SPTA1: variants seen among roughly 807,000 people sequenced by gnomAD.
SPTA1 encodes the protein spectrin alpha chain, erythrocytic 1.
A neutral mutation model predicts 324.7 loss-of-function variants in SPTA1; 177 were observed. The observed-to-expected ratio is 0.55, with a 90% CI of 0.48 to 0.62. The LOEUF (loss-of-function observed/expected upper bound fraction) is 0.62. SPTA1 is among the 20% of genes least tolerant of loss of function. The probability of loss-of-function intolerance (pLI) is 0.00; values close to 1 mark genes in which losing one functional copy is unlikely to be tolerated. For missense variants in SPTA1, 3,162 were observed against 2,883.6 expected (o/e 1.10, Z -2.21); for synonymous variants, 1,195 against 1,041.3 (o/e 1.15, Z -2.84).
chr1:158,657,637 T>A lies in SPTA1; in HGVS notation c.2645A>T (p.Glu882Val). 6.2e-7 allele frequency: 1 copy of A among 1,614,112 alleles called. No individual in the cohort carries two copies. Among genetic ancestry groups the A allele is most frequent in the Non-Finnish European group, 8.5e-7 (1 of 1,180,012 alleles). Residue 882 changes from glutamate to valine, a missense_variant, in exon 19 of 52, where the codon GAG (glutamate) becomes GTG (valine). By Grantham distance (121) the Glu-to-Val change is moderately radical (BLOSUM62 -2). Transcript: ENST00000643759. Reference protein sequence around the residue: ...SRVKSLNQNMESLRARAARRQ... With the variant: ...SRVKSLNQNMVSLRARAARRQ... ...CCTAGCAGCTCGAGCACGGAGAGAC[T>A]CCATATTCTGGTTCAAACTCTTGAC...
intron 7 of SPTA1, among the ~76,000 whole-genome samples, chr1:158,676,674 C>T (rs1371595075): frequency 1.3e-5 from 2 of 152,096 alleles, no homozygotes; most frequent in African/African-American, 4.8e-5. Context: ...TTCCCCACCC[C>T]TCTATAACAT....
chr1:158,650,884 T>C lies in SPTA1; in HGVS notation c.3477+483A>G, dbSNP rs987114503. Among the ~76,000 whole-genome samples the C allele has an allele frequency of 1.2e-4, 19 of 152,238 alleles. No homozygotes were observed. In the East Asian group the frequency reaches 3.5e-3, roughly 28 times the overall value. On this transcript the variant is annotated intron_variant, in intron 24 of 51. Transcript: ENST00000643759. ...GGAGGTTTGGATATTGTAATTTGGA[T>C]ATTGTGCTATCCAATATTTGCTTTC...
intron 51 of SPTA1, chr1:158,611,982 G>C (rs1044017405): frequency 6.4e-6 from 1 of 156,094 alleles, no homozygotes. Flanking sequence ...CAGCTTTGTC[G>C]AGGTATGATT....
At chr1:158,619,569 G>A (rs1036304598) in intron 44 of SPTA1, among the ~76,000 whole-genome samples, 8 of 152,024 alleles carry the variant, frequency 5.3e-5, no homozygotes, top group Non-Finnish European at 7.4e-5. Flanking sequence ...ACCAAGTCCC[G>A]TAACAAGTAA....
intron 44 of SPTA1, 33 bp from the exon 45 acceptor site, chr1:158,619,367 C>T (rs1381329912): frequency 6.2e-7 from 1 of 1,601,558 alleles, no homozygotes; most frequent in South Asian, 1.1e-5. Context: ...ACGTGACTGA[C>T]ATCGAAGGCC....
intron 1 of SPTA1, among the ~76,000 whole-genome samples, chr1:158,686,212 A>G (rs1191397400): frequency 2.6e-5 from 4 of 152,306 alleles, no homozygotes; most frequent in South Asian, 2.1e-4. Context: ...ATAGAATTAG[A>G]TCATTACATG....
chr1:158,676,274 C>A lies in SPTA1; in HGVS notation c.979G>T (p.Ala327Ser). The change falls in exon 8 of 52, where the codon GCA (alanine) becomes TCA (serine). Residue 327 changes from alanine (A) to serine (S), a missense_variant. Transcript: ENST00000643759. ...GGATGGGAAAGTGTCAGCTTCTCTG[C>A]TTTAGCACATAACTCCTTCACCTTT... ...SDKVKELCAK[A>S]EKLTLSHPSD... 1.9e-6 allele frequency: 3 copies of A among 1,613,634 alleles called. No individual in the cohort carries two copies. The highest frequency in any genetic ancestry group is 1.3e-5 in the African/African-American group (1 of 74,998).
intron 1 of SPTA1, among the ~76,000 whole-genome samples, chr1:158,685,816 T>C (rs991905917): frequency 6.6e-6 from 1 of 152,312 alleles, no homozygotes; most frequent in African/African-American, 2.4e-5. Flanking sequence ...TTGAAAATTT[T>C]GTTTCCTTCA....
rs1649348456 is a variant in SPTA1, at chr1:158,612,911, T to G, written c.7040A>C (p.Glu2347Ala). 2 of 1,613,818 alleles carry G rather than the reference T, an allele frequency of 1.2e-6. No individual in the cohort carries two copies. The highest frequency in any genetic ancestry group is 3.3e-5 in the Admixed American group (2 of 59,956). The stretch of plus-strand genomic sequence containing the variant: ...ATCACTGGACTTGATGTTTTCTGAC[T>G]CCTTGTCAATCAGGAAAGCAGTATA... The part of the protein sequence containing the change: ...EDYTAFLIDK[E>A]SENIKSSDEI... The change falls in exon 51 of 52, where the codon GAG becomes GCG. Residue 2347 changes from glutamate (E) to alanine (A), a missense_variant. By Grantham distance (107) the Glu-to-Ala change is moderately radical (BLOSUM62 -1). Transcript: ENST00000643759.
intron 15 of SPTA1, 55 bp downstream of exon 15, chr1:158,667,803 G>T: frequency 1.9e-6 from 3 of 1,566,128 alleles, no homozygotes; most frequent in Non-Finnish European, 2.6e-6. Context: ...AAAGATAAAG[G>T]TAGTAGATTT....
chr1:158,656,837 T>A (rs1652862337), intron 19 of SPTA1, among the ~76,000 whole-genome samples, 181 bp from the exon 20 acceptor site: 1 of 152,266 alleles, frequency 6.6e-6, no homozygotes, highest in African/African-American at 2.4e-5. Context: ...TAATAAATTA[T>A]AATTTCAATA....
At position 158,647,438 on chromosome 1, in the gene SPTA1, G is replaced by C. The variant is rs931272043; in HGVS notation, c.3896+101C>G. ...TTGCAAGAGGTGAGACTTAAACGTAGTGATGCCCTCCAAAACCAGCAGTGA... is the reference window on the plus strand; with the variant it reads ...TTGCAAGAGGTGAGACTTAAACGTACTGATGCCCTCCAAAACCAGCAGTGA... On this transcript the variant is annotated intron_variant, in intron 27 of 51. Coordinates refer to ENST00000643759, the MANE Select transcript of SPTA1 (RefSeq NM_003126.4). The C allele has an allele frequency of 6.9e-6, 10 of 1,446,840 alleles. No homozygotes were observed. The African/African-American group carries it at 1.4e-4, about 20-fold the overall frequency. The allele number at this position is 1,446,840 out of a possible 1,614,324, so 89.6% of individuals were successfully genotyped here. A position where few individuals can be genotyped will look rare whatever the true frequency, so the allele number is the denominator to read the frequency against.
Position 158,645,328 on chromosome 1 carries a change from T to C in SPTA1, c.4054A>G (p.Ser1352Gly), listed in dbSNP as rs765133650. 2.5e-6 allele frequency: 4 copies of C among 1,614,070 alleles called. No homozygotes were observed. The highest frequency in any genetic ancestry group is 4.5e-5 in the East Asian group (2 of 44,884). ...TGCCCACTGTCGATAAGTTCTGCAC[T>C]GAAGTCCTCTAAGGCCTGGAAGGTG... ...APTFQALEDF[S>G]AELIDSGHHA... Residue 1352 changes from serine (S) to glycine (G), a missense_variant, in exon 29 of 52, where the codon AGT becomes GGT. Coordinates refer to ENST00000643759, the MANE Select transcript of SPTA1 (RefSeq NM_003126.4).
rs90078 is a variant in SPTA1 at position 158,676,510 on chromosome 1, C to T, written c.958-215G>A. Among the ~76,000 whole-genome samples, 142,182 of 152,256 alleles carry T rather than the reference C, an allele frequency of 0.93. 67,163 individuals are homozygous for T. Among genetic ancestry groups the T allele is most frequent in the East Asian group, 1 (5,188 of 5,188 alleles). ...CATTATGCTAAGTACTTTACATGAA[C>T]GTTCTCATTTTATATTATTCATTTA... On this transcript the variant is annotated intron_variant, in intron 7 of 51. Coordinates refer to ENST00000643759, the MANE Select transcript of SPTA1 (RefSeq NM_003126.4).
chr1:158,660,340 T>C (rs1182762910), intron 18 of SPTA1, among the ~76,000 whole-genome samples: 2 of 152,192 alleles, frequency 1.3e-5, no homozygotes, highest in African/African-American at 4.8e-5. Context: ...AAATATGCAC[T>C]ATGCAAAAAC....
chr1:158,648,690 A>C, intron 25 of SPTA1, 37 bp from the exon 26 acceptor site: 2 of 1,610,252 alleles, frequency 1.2e-6, no homozygotes, highest in Middle Eastern at 3.7e-4. Context: ...AAAAGTAAGG[A>C]TATGTACCAG....
intron 24 of SPTA1, among the ~76,000 whole-genome samples, chr1:158,650,896 C>A (rs901193848): frequency 6.6e-6 from 1 of 152,082 alleles, no homozygotes; most frequent in African/African-American, 2.4e-5. Context: ...TTGTGCTATC[C>A]AATATTTGCT....
Position 158,640,009 on chromosome 1 carries a change from T to A in SPTA1, c.4738-2A>T. 6.2e-7 allele frequency: 1 copy of A among 1,613,782 alleles called. No individual in the cohort carries two copies. Among genetic ancestry groups the A allele is most frequent in the Non-Finnish European group, 8.5e-7 (1 of 1,179,812 alleles). On this transcript the variant is annotated splice_acceptor_variant, in intron 33 of 51. Transcript: ENST00000643759. LOFTEE classifies it high-confidence loss of function. ...TTCCTTCAGCTGTTCCAGTTGCTCC[T>A]AACCCAAGGAGAGTGAGGAGTCATT...
chr1:158,626,007 G>A, intron 42 of SPTA1, 139 bp downstream of exon 42: 2 of 667,864 alleles, frequency 3.0e-6, no homozygotes, highest in Non-Finnish European at 5.1e-6. Context: ...TAATAATTAG[G>A]AAATTATTAA....
Sources: gnomAD v4.1 joint callset for allele counts (sites outside exome capture counted in the v4.1 genomes callset) on GRCh38, gnomAD v4.1.1 for gene constraint, MANE v1.5 for transcripts, NCBI Gene and HGNC (gene_info 2026-07-23, HGNC 2026-07-21) for gene names.